The following PCDHA4 variants were observed in gnomAD, a reference collection of about 807,000 sequenced individuals.
PCDHA4 encodes protocadherin alpha-4.
In PCDHA4, 49 loss-of-function variants were observed where a neutral mutation model predicts 61.4. The ratio of observed to expected loss-of-function variants is 0.80; its 90% CI spans 0.63 to 1.01. The LOEUF (loss-of-function observed/expected upper bound fraction) is 1.01, where lower values mean the gene tolerates loss of function less well. Among genes scored for constraint, PCDHA4 ranks in the 50% least tolerant of loss-of-function variants. The pLI, the probability that PCDHA4 is intolerant of heterozygous loss-of-function variation, is 0.00. For missense variants in PCDHA4, 1,254 were observed against 1,235.8 expected, an observed-to-expected ratio of 1.01 and a Z score of -0.22; for synonymous variants, 590 against 550.3, an observed-to-expected ratio of 1.07 and a Z score of -1.01.
At chr5:140,823,631 T>G in intron 1 of PCDHA4, 2 of 1,614,056 alleles carry the variant, frequency 1.2e-6, no homozygotes, top group Non-Finnish European at 1.7e-6. Context: ...AGTGCGCGCA[T>G]CCCGTTCCGC....
intron 1 of PCDHA4, chr5:140,870,846 G>T: frequency 6.2e-7 from 1 of 1,613,860 alleles, no homozygotes; most frequent in Non-Finnish European, 8.5e-7. Context: ...AGCTAGTACC[G>T]CGGTCGGTGG....
intron 1 of PCDHA4, chr5:140,822,818 A>G (rs2150119622): frequency 6.2e-7 from 1 of 1,614,182 alleles, no homozygotes; most frequent in African/African-American, 1.3e-5. Flanking sequence ...AATACCCCAG[A>G]GATGGCCATA....
chr5:140,928,801 G>C, intron 1 of PCDHA4: 1 of 1,614,184 alleles, frequency 6.2e-7, no homozygotes, highest in Non-Finnish European at 8.5e-7. Context: ...GGTGGTGGTA[G>C]TGGTTCGGGA....
intron 1 of PCDHA4, among the ~76,000 whole-genome samples, chr5:140,872,595 C>G (rs1048527578): frequency 6.6e-6 from 1 of 152,102 alleles, no homozygotes; most frequent in African/African-American, 2.4e-5. Flanking sequence ...AGACCCCCAT[C>G]TGAAAAAATA....
intron 1 of PCDHA4, chr5:140,816,500 GGTGTGTTT>G (rs2126671911): frequency 7.9e-6 from 1 of 125,928 alleles, no homozygotes; most frequent in African/African-American, 3.1e-5. Context: ...GGTTTCTGGA[GGTGTGTTT>G]GTGTGTGTGT....
intron 1 of PCDHA4, among the ~76,000 whole-genome samples, chr5:140,965,185 CAT>C (rs782612335): frequency 4.6e-5 from 7 of 152,138 alleles, no homozygotes; most frequent in Non-Finnish European, 1.0e-4. Flanking sequence ...TTTTTTTGCA[CAT>C]GAGGCAATAG....
Position 140,926,391 on chromosome 5 carries a change from A to T in PCDHA4, c.2386-52558A>T, listed in dbSNP as rs76822698. On this transcript the variant is annotated intron_variant, in intron 1 of 3. Coordinates refer to ENST00000530339, the MANE Select transcript of PCDHA4 (RefSeq NM_018907.4). ...AGGAAGAGCCCAGCTGGGCTCAGCCACAGTTATCAGCAATCTGCGGGCAGA... is the reference window on the plus strand; with the variant it reads ...AGGAAGAGCCCAGCTGGGCTCAGCCTCAGTTATCAGCAATCTGCGGGCAGA... 1,228 of 152,462 alleles carry T rather than the reference A, an allele frequency of 8.1e-3. 5 individuals carry two copies. The highest frequency in any genetic ancestry group is 0.019 in the African/African-American group (792 of 41,554). The allele number at this position is 152,462 out of a possible 1,614,324, so 9.4% of individuals were successfully genotyped here.
chr5:140,952,301 T>G (rs246036), intron 1 of PCDHA4, among the ~76,000 whole-genome samples: 84,430 of 149,404 alleles, frequency 0.57, 24,448 homozygotes, highest in African/African-American at 0.7. Flanking sequence ...CACAGCCATT[T>G]CACTCCAGCC....
At chr5:141,005,113 G>A (rs2098197843) in intron 3 of PCDHA4, among the ~76,000 whole-genome samples, 1 of 152,184 alleles carries the variant, frequency 6.6e-6, no homozygotes, top group South Asian at 2.1e-4. Flanking sequence ...ATTGTCTTTA[G>A]GGACCCCAAA....
rs190903365 is a variant in PCDHA4 at position 140,812,400 on chromosome 5, C to T, written c.2385+2828C>T. On this transcript the variant is annotated intron_variant, in intron 1 of 3. Coordinates refer to ENST00000530339, the MANE Select transcript of PCDHA4 (RefSeq NM_018907.4). ...TTTTTTTCTTAGTCTAGCTAAGGGG[C>T]TTGTCAGTTTTGTTGTTTTTTCAAA... 5 of 151,904 alleles carry T rather than the reference C, an allele frequency of 3.3e-5. No homozygotes were observed. In the East Asian group the frequency reaches 9.7e-4, roughly 29 times the overall value. The allele number at this position is 151,904 out of a possible 1,614,324, so 9.4% of individuals were successfully genotyped here. A position where few individuals can be genotyped will look rare whatever the true frequency, so the allele number is the denominator to read the frequency against.
intron 1 of PCDHA4, chr5:140,823,662 G>C: frequency 1.9e-6 from 3 of 1,614,064 alleles, no homozygotes; most frequent in Non-Finnish European, 2.5e-6. Flanking sequence ...ACACAGGCGA[G>C]ATCAGCACAA....
At chr5:140,906,045 T>C (rs1002159774) in intron 1 of PCDHA4, among the ~76,000 whole-genome samples, 3 of 152,194 alleles carry the variant, frequency 2.0e-5, no homozygotes, top group African/African-American at 7.2e-5. Flanking sequence ...GCTTTTATTC[T>C]GGCTGCACTG....
intron 1 of PCDHA4, among the ~76,000 whole-genome samples, chr5:140,846,781 T>C (rs1259185790): frequency 3.3e-5 from 5 of 149,452 alleles, no homozygotes; most frequent in African/African-American, 4.9e-5. Context: ...TCAGGAATTA[T>C]TACTGAGCCC....
chr5:140,837,972 C>A (rs929090739), intron 1 of PCDHA4, among the ~76,000 whole-genome samples: 3 of 151,768 alleles, frequency 2.0e-5, no homozygotes, highest in Admixed American at 2.0e-4. Flanking sequence ...AACAACCACA[C>A]CCAGCCTGCC....
chr5:140,869,302 G>T lies in PCDHA4; in HGVS notation c.2385+59730G>T. ...GCTGGTGCAGCGCCTGTTCCGGGTGGCGTCCAAAACACATGGGGACCTTCT... is the reference window on the plus strand; with the variant it reads ...GCTGGTGCAGCGCCTGTTCCGGGTGTCGTCCAAAACACATGGGGACCTTCT... On this transcript the variant is annotated intron_variant, in intron 1 of 3. Coordinates refer to ENST00000530339, the MANE Select transcript of PCDHA4 (RefSeq NM_018907.4). The T allele has an allele frequency of 6.2e-7, 1 of 1,613,642 alleles. No homozygotes were observed. Among genetic ancestry groups the T allele is most frequent in the Non-Finnish European group, 8.5e-7 (1 of 1,179,984 alleles).
intron 1 of PCDHA4, among the ~76,000 whole-genome samples, chr5:140,924,224 T>A (rs1266072324): frequency 6.6e-6 from 1 of 152,220 alleles, no homozygotes; most frequent in Non-Finnish European, 1.5e-5. Context: ...TAAGTTCAAT[T>A]TTTATGGGCT....
chr5:140,887,537 C>T (rs530539711), intron 1 of PCDHA4, among the ~76,000 whole-genome samples: 5 of 152,250 alleles, frequency 3.3e-5, no homozygotes, highest in Admixed American at 1.3e-4. Context: ...TTCCTCTCCC[C>T]ACCCCTCATG....
intron 1 of PCDHA4, chr5:140,883,169 G>C (rs1554177001): frequency 6.2e-7 from 1 of 1,613,950 alleles, no homozygotes; most frequent in Admixed American, 1.7e-5. Flanking sequence ...GAACAATGGA[G>C]AAATTAGGAC....
chr5:140,980,699 A>G (rs1183109723), intron 2 of PCDHA4, among the ~76,000 whole-genome samples: 1 of 152,186 alleles, frequency 6.6e-6, no homozygotes, highest in African/African-American at 2.4e-5. Flanking sequence ...AAAAAAGCCA[A>G]ATGTGCTCCT....
Sources: allele counts gnomAD v4.1 joint callset (sites outside exome capture counted in the v4.1 genomes callset), GRCh38; gene constraint gnomAD v4.1.1; transcripts MANE v1.5; gene names NCBI Gene and HGNC (gene_info 2026-07-23, HGNC 2026-07-21).